The following ITPA variants were observed in gnomAD, a reference collection of about 807,000 sequenced individuals.
ITPA encodes the protein inosine triphosphate pyrophosphatase.
A neutral mutation model predicts 29.6 loss-of-function variants in ITPA; 29 were observed. That is an observed-to-expected ratio of 0.98 (90% confidence interval 0.73 to 1.34). The LOEUF is 1.34. Ranked by LOEUF, ITPA falls within the 40% of genes most tolerant of loss-of-function variation. The pLI is 0.00. For synonymous variants in ITPA, 103 were observed against 99.3 expected (o/e 1.04, Z -0.22); for missense variants, 241 against 251.5 (o/e 0.96, Z 0.28).
intron 1 of ITPA, among the ~76,000 whole-genome samples, chr20:3,211,065 TA>T (rs1197439578): frequency 0.039 from 4,369 of 112,744 alleles, 187 homozygotes; most frequent in African/African-American, 0.14. Flanking sequence ...CTGTCTCAAA[TA>T]AAAAAAAAAA....
At position 3,209,672 on chromosome 20, in the gene ITPA, AG is replaced by A. The variant is rs2122275486; in HGVS notation, c.66+59del. ...GAGGCGGCTGGGAATAGGGCGGAGA[AG>A]GGGCTTCCGGGAGGAGGGAAGCACG... On this transcript the variant is annotated intron_variant, in intron 1 of 7. Coordinates refer to ENST00000380113, the MANE Select transcript of ITPA (RefSeq NM_033453.4). The surrounding 1 kb of genome is among the most constrained non-coding windows in gnomAD (Gnocchi z 4.6). The A allele has an allele frequency of 6.7e-7, 1 of 1,488,206 alleles. No homozygotes were observed. Among genetic ancestry groups the A allele is most frequent in the African/African-American group, 1.4e-5 (1 of 72,426 alleles). 92.2% of individuals were successfully genotyped at this position (1,488,206 alleles called of 1,614,324 possible).
In ITPA at chr20:3,223,530, C is replaced by T. The variant is rs75609817; in HGVS notation, c.*68C>T. The T allele has an allele frequency of 5.7e-3, 6,855 of 1,194,810 alleles. 270 individuals are homozygous for T. The African/African-American group carries it at 0.092, about 16-fold the overall frequency. 74.0% of individuals were successfully genotyped at this position (1,194,810 alleles called of 1,614,324 possible). On this transcript the variant is annotated 3_prime_UTR_variant, in exon 8 of 8. Coordinates refer to ENST00000380113, the MANE Select transcript of ITPA (RefSeq NM_033453.4). The stretch of plus-strand genomic sequence containing the variant: ...AGGGCTAGCCCAAAACCTCCCGCAT[C>T]GGGCAGGCACCCCCTGAAGTACTTC...
rs1195896795 is a variant in ITPA at position 3,209,870 on chromosome 20, C to T, written c.66+253C>T. Among the ~76,000 whole-genome samples the T allele has an allele frequency of 6.6e-6, 1 of 152,120 alleles. No homozygotes were observed. ...CCCGACACAGGGCTTGTGTGGTCAG[C>T]GACTGCGGGACCCGGAGGAGTAGCG... On this transcript the variant is annotated intron_variant, in intron 1 of 7. Coordinates refer to ENST00000380113, the MANE Select transcript of ITPA (RefSeq NM_033453.4). This position sits in a 1 kb window ranked among gnomAD's most constrained non-coding sequence, Gnocchi z 4.6.
intron 6 of ITPA, 65 bp from the exon 7 acceptor site, chr20:3,221,776 C>A: frequency 6.9e-7 from 1 of 1,443,136 alleles, no homozygotes; most frequent in Non-Finnish European, 9.8e-7. Flanking sequence ...TCATACTGGC[C>A]ACTGCCCTCC....
chr20:3,221,996 G>A (rs1039568517), intron 7 of ITPA, 79 bp downstream of exon 7: 1 of 1,352,896 alleles, frequency 7.4e-7, no homozygotes, highest in South Asian at 1.2e-5. Context: ...CCCCGCCCAA[G>A]TGCAGGCATG....
chr20:3,214,079 C>G (rs377486208), intron 4 of ITPA, 21 bp downstream of exon 4: 89 of 1,611,854 alleles, frequency 5.5e-5, no homozygotes, highest in Admixed American at 1.3e-4. Context: ...ACCTCCACCC[C>G]CTTACAGGGC....
upstream of ITPA, chr20:3,204,655 C>A: frequency 6.4e-7 from 1 of 1,555,758 alleles, no homozygotes; most frequent in Non-Finnish European, 8.7e-7. Flanking sequence ...AGAACCACTG[C>A]GTCCACCCTG....
intron 1 of ITPA, among the ~76,000 whole-genome samples, chr20:3,211,871 A>G (rs1412465733): frequency 6.6e-6 from 1 of 152,188 alleles, no homozygotes; most frequent in South Asian, 2.1e-4. Context: ...AATAGTTTCA[A>G]ATGTACAAAA....
At chr20:3,218,817 T>TGGAAAGG in intron 6 of ITPA, 185 bp downstream of exon 6, 1 of 654,640 alleles carries the variant, frequency 1.5e-6, no homozygotes, top group South Asian at 1.7e-5. Context: ...AGGAGGGTGG[T>TGGAAAGG]GGAAAGGGTT....
intron 1 of ITPA, among the ~76,000 whole-genome samples, chr20:3,210,893 A>G (rs1186362497): frequency 6.6e-6 from 1 of 151,848 alleles, no homozygotes; most frequent in Non-Finnish European, 1.5e-5. Context: ...TCTACTAAAA[A>G]TACAAAAATT....
At chr20:3,209,486 C>G, upstream of ITPA, 1 of 1,458,916 alleles carries the variant, frequency 6.9e-7, no homozygotes, top group South Asian at 1.1e-5. This position sits in a 1 kb window ranked among gnomAD's most constrained non-coding sequence, Gnocchi z 4.6. Flanking sequence ...CGCCACCAGC[C>G]GGAAGTTTTC....
chr20:3,218,612 C>T lies in ITPA; in HGVS notation c.391C>T (p.Leu131=). The T allele has an allele frequency of 1.2e-6, 2 of 1,613,296 alleles. No individual in the cohort carries two copies. The highest frequency in any genetic ancestry group is 1.7e-6 in the Non-Finnish European group (2 of 1,179,528). Residue 131 remains leucine (L), a synonymous_variant, in exon 6 of 8, where the codon CTG becomes TTG. Coordinates refer to ENST00000380113, the MANE Select transcript of ITPA (RefSeq NM_033453.4). ...CGGGGACCCAAGCCAGCCCGTGCGC[C>T]TGTTCAGGGGCCGGACCTCGGTGCG... ...STGDPSQPVR[L]FRGRTSGRIV... is the part of the protein sequence containing the mutation.
intron 6 of ITPA, chr20:3,221,636 C>T (rs557286095): frequency 2.6e-5 from 17 of 651,522 alleles, no homozygotes; most frequent in Non-Finnish European, 4.5e-5. Flanking sequence ...TGCCTCCTCC[C>T]TGTGTGTGAG....
rs2122442351 is a variant in ITPA at position 3,221,919 on chromosome 20, T to A, written c.488+2T>A. On this transcript the variant is annotated splice_donor_variant, in intron 7 of 7. Coordinates refer to ENST00000380113, the MANE Select transcript of ITPA (RefSeq NM_033453.4). LOFTEE classifies it high-confidence loss of function. ...TCAGCCTGATGGATATGAGCAGACG[T>A]AAGGAGCCCTGCTTTTCTTCCCTGG... The A allele has an allele frequency of 6.2e-7, 1 of 1,613,600 alleles. No individual in the cohort carries two copies. The highest frequency in any genetic ancestry group is 1.1e-5 in the South Asian group (1 of 91,080).
rs757876033 is a variant in ITPA at position 3,213,935 on chromosome 20, G to A, written c.190-50G>A. On this transcript the variant is annotated intron_variant, in intron 3 of 7. Transcript: ENST00000380113. The stretch of plus-strand genomic sequence containing the variant: ...TGACGCGGGTGACCTGGACGTTCCA[G>A]GTGGGGATGGTGATCATGGGTCTCA... 6.9e-6 allele frequency: 11 copies of A among 1,596,954 alleles called. No homozygotes were observed. The East Asian group carries it at 2.5e-4, about 36-fold the overall frequency.
chr20:3,223,307 G>C (rs2067513738), intron 7 of ITPA, 59 bp from the exon 8 acceptor site: 11 of 1,274,778 alleles, frequency 8.6e-6, no homozygotes, highest in Non-Finnish European at 1.2e-5. Flanking sequence ...GTAGGGTTGG[G>C]AGGGGGTGCA....
downstream of ITPA, among the ~76,000 whole-genome samples, chr20:3,225,163 A>G: frequency 6.6e-6 from 1 of 152,046 alleles, no homozygotes. Context: ...TGATTGCGCC[A>G]CTGCACTCCA....
chr20:3,204,653 T>C (rs201087706), upstream of ITPA: 2 of 1,559,184 alleles, frequency 1.3e-6, no homozygotes, highest in South Asian at 1.2e-5. Flanking sequence ...GCAGAACCAC[T>C]GCGTCCACCC....
At chr20:3,204,933 C>G (rs1451601956), upstream of ITPA, among the ~76,000 whole-genome samples, 1 of 152,062 alleles carries the variant, frequency 6.6e-6, no homozygotes, top group East Asian at 1.9e-4. Flanking sequence ...TCACTGCAAC[C>G]TCCACCTCCC....
Sources: allele counts gnomAD v4.1 joint callset (sites outside exome capture counted in the v4.1 genomes callset), GRCh38; gene constraint gnomAD v4.1.1; non-coding constraint Gnocchi (gnomAD v3.1); transcripts MANE v1.5; gene names NCBI Gene and HGNC (gene_info 2026-07-23, HGNC 2026-07-21).